The following POLR2C variants were observed in gnomAD, a reference collection of about 807,000 sequenced individuals.
POLR2C encodes the protein DNA-directed RNA polymerase II subunit RPB3.
In POLR2C, 36 loss-of-function variants were observed where a neutral mutation model predicts 41.7. The ratio of observed to expected loss-of-function variants is 0.86; its 90% CI spans 0.66 to 1.14. POLR2C has a LOEUF of 1.14. Ranked by LOEUF, POLR2C falls within the 50% of genes most tolerant of loss-of-function variation. POLR2C has a pLI of 0.00. For missense variants in POLR2C, 260 were observed against 350.4 expected, an observed-to-expected ratio of 0.74 and a Z score of 2.06; for synonymous variants, 133 against 137.8, an observed-to-expected ratio of 0.96 and a Z score of 0.25.
At chr16:57,470,256 G>C (rs1295891330) in intron 7 of POLR2C, 24 bp from the exon 8 acceptor site, 6 of 1,608,806 alleles carry the variant, frequency 3.7e-6, no homozygotes, top group Non-Finnish European at 5.1e-6. Flanking sequence ...TGGCAACCTT[G>C]TGCTGACCTG....
rs949206874 is a variant in POLR2C, at chr16:57,471,250, A to G, written c.*131A>G. ...TTGAGCTTCTTGGCAGGACATCAGTACCAACTAGAAGTGGGTCATAGATAG... is the reference window on the plus strand; with the variant it reads ...TTGAGCTTCTTGGCAGGACATCAGTGCCAACTAGAAGTGGGTCATAGATAG... On this transcript the variant is annotated 3_prime_UTR_variant, in exon 9 of 9. Transcript: ENST00000219252. The G allele has an allele frequency of 5.3e-6, 4 of 748,306 alleles. No individual in the cohort carries two copies. In the African/African-American group the frequency reaches 7.0e-5, roughly 13 times the overall value. The allele number at this position is 748,306 out of a possible 1,614,324, so 46.4% of individuals were successfully genotyped here.
intron 4 of POLR2C, among the ~76,000 whole-genome samples, chr16:57,467,436 A>G (rs2030737386): frequency 1.3e-5 from 2 of 152,228 alleles, no homozygotes; most frequent in South Asian, 2.1e-4. Context: ...GATATCTTAC[A>G]TAAAGATACG....
Position 57,470,330 on chromosome 16 carries a change from A to G in POLR2C, c.659A>G (p.Tyr220Cys), listed in dbSNP as rs139440796. 71 of 1,611,326 alleles carry G rather than the reference A, an allele frequency of 4.4e-5. No individual in the cohort carries two copies. The highest frequency in any genetic ancestry group is 6.7e-5 in the African/African-American group (5 of 74,974). The change falls in exon 8 of 9, where the codon TAT becomes TGT. Residue 220 changes from tyrosine to cysteine, a missense_variant. By Grantham distance (194) the Tyr-to-Cys change is radical. Coordinates refer to ENST00000219252, the MANE Select transcript of POLR2C (RefSeq NM_032940.3). Reference protein sequence around the residue: ...ELDEDESQAPYDPNGKPERFY... With the variant: ...ELDEDESQAPCDPNGKPERFY... ...GATGAGGATGAGTCGCAGGCTCCCT[A>G]TGACCCCAACGGCAAGCCAGAAAGG... is the stretch of plus-strand genomic sequence containing the variant.
intron 4 of POLR2C, among the ~76,000 whole-genome samples, chr16:57,467,997 C>T (rs992755030): frequency 6.6e-6 from 1 of 151,788 alleles, no homozygotes; most frequent in Non-Finnish European, 1.5e-5. Context: ...TTTGATTCTC[C>T]CATTTCATAT....
In POLR2C at chr16:57,463,053, C is replaced by G. The variant is rs1340731369; in HGVS notation, c.111C>G (p.Val37=). ...DLAVANSIRR[V]FIAEVPIIAI... ...GGGTGGCCAATTCGATTCGGAGGGT[C>G]TTCATCGCTGAGGTTCCCATAATAG... Residue 37 remains valine (V), a synonymous_variant, in exon 2 of 9, where the codon GTC becomes GTG. Transcript: ENST00000219252. 1.9e-6 allele frequency: 3 copies of G among 1,610,634 alleles called. No individual in the cohort carries two copies. The highest frequency in any genetic ancestry group is 8.5e-7 in the Non-Finnish European group (1 of 1,176,926).
At chr16:57,467,361 T>TA (rs1323197370) in intron 4 of POLR2C, among the ~76,000 whole-genome samples, 1 of 152,250 alleles carries the variant, frequency 6.6e-6, no homozygotes, top group Non-Finnish European at 1.5e-5. Context: ...AGATTTTTGT[T>TA]TTTTAATAAA....
rs2030788517 is a variant in POLR2C at position 57,469,942 on chromosome 16, C to G, written c.440-19C>G. On this transcript the variant is annotated intron_variant, in intron 6 of 8. Coordinates refer to ENST00000219252, the MANE Select transcript of POLR2C (RefSeq NM_032940.3). The surrounding 1 kb of genome is among the most constrained non-coding windows in gnomAD (Gnocchi z 5.8). ...CATGTCTCTCCTGGCCCTTGACTGA[C>G]TTGTGCCTCTCCCTGCAGACATCCT... 6.2e-7 allele frequency: 1 copy of G among 1,610,126 alleles called. No individual in the cohort carries two copies. Among genetic ancestry groups the G allele is most frequent in the South Asian group, 1.1e-5 (1 of 90,812 alleles).
At chr16:57,462,966 C>T in intron 1 of POLR2C, 63 bp from the exon 2 acceptor site, 2 of 1,486,316 alleles carry the variant, frequency 1.3e-6, no homozygotes, top group Non-Finnish European at 9.4e-7. Context: ...TGGGAGCCTG[C>T]GGCGCGGGCC....
At chr16:57,465,628 G>C (rs2030686823) in intron 2 of POLR2C, 1 of 256,750 alleles carries the variant, frequency 3.9e-6, no homozygotes, top group African/African-American at 2.3e-5. Flanking sequence ...GGATTTAGTG[G>C]TGGCACAGGT....
rs1366587542 is a variant in POLR2C at position 57,472,008 on chromosome 16, T to G, written c.*889T>G. ...TGGCAATAAAGAGCACAACATAATCTCCTTCATGCGTCATCGTGCCACTTA... is the reference window on the plus strand; with the variant it reads ...TGGCAATAAAGAGCACAACATAATCGCCTTCATGCGTCATCGTGCCACTTA... On this transcript the variant is annotated 3_prime_UTR_variant, in exon 9 of 9. Coordinates refer to ENST00000219252, the MANE Select transcript of POLR2C (RefSeq NM_032940.3). 2.0e-5 allele frequency: 3 copies of G among 152,796 alleles called. No individual in the cohort carries two copies. In the East Asian group the frequency reaches 5.8e-4, roughly 29 times the overall value. The allele number at this position is 152,796 out of a possible 1,614,324, so 9.5% of individuals were successfully genotyped here.
At position 57,470,983 on chromosome 16, in the gene POLR2C, A is replaced by G. The variant is rs745509250; in HGVS notation, c.692A>G (p.Tyr231Cys). The change falls in exon 9 of 9, where the codon TAC becomes TGC. Residue 231 changes from tyrosine (Y) to cysteine (C), a missense_variant. Physicochemically the swap from Tyr to Cys is radical, Grantham distance 194. Coordinates refer to ENST00000219252, the MANE Select transcript of POLR2C (RefSeq NM_032940.3). ...GGACTCTTGCCTCCTAGGTTTTACT[A>G]CAATGTGGAGTCCTGTGGCTCTCTG... Reference protein sequence around the residue: ...DPNGKPERFYYNVESCGSLRP... With the variant: ...DPNGKPERFYCNVESCGSLRP... The G allele has an allele frequency of 6.2e-7, 1 of 1,614,078 alleles. No homozygotes were observed. The highest frequency in any genetic ancestry group is 8.5e-7 in the Non-Finnish European group (1 of 1,179,950).
At chr16:57,466,488 T>C (rs1442899173) in intron 4 of POLR2C, among the ~76,000 whole-genome samples, 1 of 152,182 alleles carries the variant, frequency 6.6e-6, no homozygotes, top group Non-Finnish European at 1.5e-5. Context: ...AGGTTCTTCC[T>C]TCCAAAGCAT....
rs1340967107 is a variant in POLR2C at position 57,466,203 on chromosome 16, T to G, written c.234T>G (p.Ile78Met). The change falls in exon 4 of 9, where the codon ATT becomes ATG. Residue 78 changes from isoleucine (I) to methionine (M), a missense_variant. Coordinates refer to ENST00000219252, the MANE Select transcript of POLR2C (RefSeq NM_032940.3). ...LGLIPLISDDIVDKLQYSRDC... is the reference protein window; with the variant it reads ...LGLIPLISDDMVDKLQYSRDC... ...TAATTCCCCTCATTAGTGATGACAT[T>G]GTGGACAAGCTGCAGTACTCTCGGG... 2 of 1,600,716 alleles carry G rather than the reference T, an allele frequency of 1.2e-6. No homozygotes were observed. Among genetic ancestry groups the G allele is most frequent in the South Asian group, 1.1e-5 (1 of 88,882 alleles).
intron 4 of POLR2C, among the ~76,000 whole-genome samples, chr16:57,467,691 A>G (rs1323267199): frequency 6.6e-6 from 1 of 152,212 alleles, no homozygotes; most frequent in East Asian, 1.9e-4. Flanking sequence ...ACATCCTAAC[A>G]CTTCCAAGTA....
In POLR2C at chr16:57,471,727, A is replaced by G. The variant is rs1458711030; in HGVS notation, c.*608A>G. ...CCCCTTCACCTCCAATGACCTGATC[A>G]TTTAGTTTGGTGGGGGTGGGGGTGG... is the stretch of plus-strand genomic sequence containing the variant. On this transcript the variant is annotated 3_prime_UTR_variant, in exon 9 of 9. Coordinates refer to ENST00000219252, the MANE Select transcript of POLR2C (RefSeq NM_032940.3). 2.1e-5 allele frequency: 1 copy of G among 47,960 alleles called. No individual in the cohort carries two copies. The highest frequency in any genetic ancestry group is 7.5e-4 in the East Asian group (1 of 1,328). 3.0% of individuals were successfully genotyped at this position (47,960 alleles called of 1,614,324 possible). A position where few individuals can be genotyped will look rare whatever the true frequency, so the allele number is the denominator to read the frequency against.
Position 57,469,776 on chromosome 16 carries a change from C to A in POLR2C, c.439+15C>A. ...GGAGCAGGATGGTAAGTCTTCCTGA[C>A]CTGTCACCGTGTGGGCCAGCGGGAA... On this transcript the variant is annotated intron_variant, in intron 6 of 8. Transcript: ENST00000219252. This position sits in a 1 kb window ranked among gnomAD's most constrained non-coding sequence, Gnocchi z 5.8. 6.2e-7 allele frequency: 1 copy of A among 1,609,918 alleles called. No homozygotes were observed. The highest frequency in any genetic ancestry group is 1.1e-5 in the South Asian group (1 of 91,026).
intron 2 of POLR2C, chr16:57,464,202 CTTTT>C (rs61185077): frequency 1.3e-5 from 2 of 152,320 alleles, no homozygotes; most frequent in African/African-American, 4.8e-5. Context: ...TGGTAGATGG[CTTTT>C]TTATTAATCT....
Position 57,470,273 on chromosome 16 carries a change from A to C in POLR2C, c.609-7A>C, listed in dbSNP as rs2146604434. The C allele has an allele frequency of 6.2e-7, 1 of 1,613,002 alleles. No individual in the cohort carries two copies. Among genetic ancestry groups the C allele is most frequent in the South Asian group, 1.1e-5 (1 of 90,944 alleles). On this transcript the variant is annotated splice_region_variant and splice_polypyrimidine_tract_variant and intron_variant, in intron 7 of 8. Transcript: ENST00000219252. ...GCAACCTTGTGCTGACCTGTGTTTG[A>C]CCTCAGGCCAAAGAGTGAGTACTCG...
At position 57,465,774 on chromosome 16, in the gene POLR2C, G is replaced by A. The variant is rs1003684258; in HGVS notation, c.137-179G>A. On this transcript the variant is annotated intron_variant, in intron 2 of 8. Coordinates refer to ENST00000219252, the MANE Select transcript of POLR2C (RefSeq NM_032940.3). ...AAATTCACCTGGGCAGGGAGGTGAG[G>A]TGTGGTGTGTGTGGGTCTTATTAAA... 18 of 586,966 alleles carry A rather than the reference G, an allele frequency of 3.1e-5. No individual in the cohort carries two copies. The Admixed American group carries it at 3.1e-4, about 10-fold the overall frequency. The allele number at this position is 586,966 out of a possible 1,614,324, so 36.4% of individuals were successfully genotyped here.
Sources: allele counts gnomAD v4.1 joint callset (sites outside exome capture counted in the v4.1 genomes callset), GRCh38; gene constraint gnomAD v4.1.1; non-coding constraint Gnocchi (gnomAD v3.1); transcripts MANE v1.5; gene names NCBI Gene and HGNC (gene_info 2026-07-23, HGNC 2026-07-21).